CRACDL: variants seen among roughly 807,000 people sequenced by gnomAD.
The protein encoded by CRACDL is CRACD like.
CRACDL carries 26 observed loss-of-function variants against 70.6 expected under a neutral mutation model. The observed-to-expected ratio is 0.37, with a 90% CI of 0.27 to 0.51. The LOEUF is 0.51. Ranked by LOEUF, CRACDL falls within the 20% of genes least tolerant of loss-of-function variation. The pLI is 0.94. For missense variants in CRACDL, 1,283 were observed against 1,376.9 expected (o/e 0.93, Z 1.08); for synonymous variants, 618 against 615.2 (o/e 1.00, Z -0.07).
At position 98,822,254 on chromosome 2, in the gene CRACDL, C is replaced by G. The variant is rs774128489; in HGVS notation, c.2019G>C (p.Pro673=). ...AGGGGTTTCTGTCCTCACTCGGGGC[C>G]GGCTCCTGGGCGGCTGGGCAGGGCT... ...TREPCPAAQE[P]APSEDRNPFP... Residue 673 remains proline (P), a synonymous_variant, in exon 7 of 10, where the codon CCG becomes CCC. Coordinates refer to ENST00000397899, the MANE Select transcript of CRACDL (RefSeq NM_207362.3). The surrounding 1 kb of genome is among the most constrained non-coding windows in gnomAD (Gnocchi z 4.9). The G allele has an allele frequency of 1.9e-6, 3 of 1,596,282 alleles. No individual in the cohort carries two copies. In the South Asian group the frequency reaches 3.3e-5, roughly 18 times the overall value.
intron 2 of CRACDL, among the ~76,000 whole-genome samples, chr2:98,844,767 A>G (rs1240982261): frequency 6.6e-6 from 1 of 152,198 alleles, no homozygotes; most frequent in Non-Finnish European, 1.5e-5. Flanking sequence ...TACTGAAAAT[A>G]TATTTTCTGT....
intron 1 of CRACDL, among the ~76,000 whole-genome samples, chr2:98,921,456 T>C (rs1382008823): frequency 2.0e-5 from 3 of 152,246 alleles, no homozygotes; most frequent in Non-Finnish European, 2.9e-5. Flanking sequence ...GCTCTTGACA[T>C]GTATTATGGT....
intron 1 of CRACDL, among the ~76,000 whole-genome samples, chr2:98,868,791 C>T (rs1383282281): frequency 1.3e-5 from 2 of 152,196 alleles, no homozygotes; most frequent in African/African-American, 2.4e-5. Flanking sequence ...CTCTGCTCAC[C>T]CAGCCCTCCT....
At chr2:98,906,667 G>A (rs2104667339) in intron 1 of CRACDL, among the ~76,000 whole-genome samples, 1 of 152,258 alleles carries the variant, frequency 6.6e-6, no homozygotes, top group African/African-American at 2.4e-5. Flanking sequence ...TCCTATTTGT[G>A]CACTCACTAT....
intron 1 of CRACDL, among the ~76,000 whole-genome samples, chr2:98,923,270 C>CA (rs1188228876): frequency 0.012 from 869 of 75,326 alleles, 3 homozygotes; most frequent in Non-Finnish European, 0.014. Context: ...GACACTGTCT[C>CA]AAAAAAAAAA....
chr2:98,839,934 T>G (rs1705950027), intron 2 of CRACDL, among the ~76,000 whole-genome samples: 1 of 152,184 alleles, frequency 6.6e-6, no homozygotes, highest in Non-Finnish European at 1.5e-5. Flanking sequence ...CACCACAGGC[T>G]TATCAATTTT....
At chr2:98,848,886 G>T (rs1706368327) in intron 1 of CRACDL, among the ~76,000 whole-genome samples, 1 of 152,220 alleles carries the variant, frequency 6.6e-6, no homozygotes, top group African/African-American at 2.4e-5. Flanking sequence ...ACTGCACCCA[G>T]CAGAGAACAT....
intron 1 of CRACDL, among the ~76,000 whole-genome samples, chr2:98,888,082 T>C (rs1707844963): frequency 6.6e-6 from 1 of 152,182 alleles, no homozygotes; most frequent in Admixed American, 6.5e-5. Context: ...TTCACCTCAA[T>C]TTTTAAAAGA....
At chr2:98,797,769 G>A (rs1352658953) in intron 7 of CRACDL, among the ~76,000 whole-genome samples, 1 of 152,168 alleles carries the variant, frequency 6.6e-6, no homozygotes, top group Non-Finnish European at 1.5e-5. Flanking sequence ...TAGGGTCGGT[G>A]TGTACTTTAA....
In CRACDL at chr2:98,832,361, C is replaced by T; in HGVS notation, c.527G>A (p.Gly176Asp). ...GGCCGCACTTGCCTTTATGGTGGTA[C>T]CAGGACCCACGTCGTGCAGCAGAGA... ...EMSLLHDVGP[G>D]TTIKVSVVSP... The change falls in exon 5 of 10, where the codon GGT becomes GAT. Residue 176 changes from glycine to aspartate, a missense_variant. Gly to Asp is a moderately conservative substitution (Grantham distance 94, BLOSUM62 -1). Transcript: ENST00000397899. The T allele has an allele frequency of 1.2e-6, 2 of 1,614,182 alleles. No individual in the cohort carries two copies. The highest frequency in any genetic ancestry group is 1.7e-6 in the Non-Finnish European group (2 of 1,180,038).
intron 2 of CRACDL, among the ~76,000 whole-genome samples, chr2:98,840,968 T>C (rs1706002482): frequency 6.6e-6 from 1 of 152,164 alleles, no homozygotes; most frequent in Non-Finnish European, 1.5e-5. Flanking sequence ...CTGGAGCATT[T>C]CAGACTTTGG....
intron 1 of CRACDL, among the ~76,000 whole-genome samples, chr2:98,901,369 G>C (rs924953267): frequency 3.3e-5 from 5 of 152,176 alleles, no homozygotes; most frequent in African/African-American, 9.7e-5. Context: ...CAGTGCTTGG[G>C]AGAACCCTGA....
intron 9 of CRACDL, 72 bp from the exon 10 acceptor site, chr2:98,794,743 T>C (rs1275040617): frequency 2.9e-5 from 38 of 1,332,138 alleles, no homozygotes; most frequent in Admixed American, 5.5e-5. Flanking sequence ...GCCTCTTGTG[T>C]TTCTCGAACT....
chr2:98,881,651 C>G (rs886986623), intron 1 of CRACDL, among the ~76,000 whole-genome samples: 1 of 152,136 alleles, frequency 6.6e-6, no homozygotes, highest in East Asian at 1.9e-4. Flanking sequence ...TCAGCTGGGG[C>G]GCCATGTATA....
chr2:98,928,504 C>T (rs578099317), intron 1 of CRACDL, among the ~76,000 whole-genome samples: 9 of 152,100 alleles, frequency 5.9e-5, no homozygotes, highest in East Asian at 1.9e-4. Flanking sequence ...CAGACTTCTT[C>T]GTGCTAATTG....
chr2:98,851,819 A>G (rs1034096285), intron 1 of CRACDL, among the ~76,000 whole-genome samples: 9 of 152,256 alleles, frequency 5.9e-5, no homozygotes, highest in African/African-American at 2.2e-4. Flanking sequence ...TCCACTGATG[A>G]TAAGTATAAA....
chr2:98,832,751 C>CATGT (rs1705597049), intron 4 of CRACDL, 111 bp downstream of exon 4: 11 of 1,370,286 alleles, frequency 8.0e-6, no homozygotes, highest in Non-Finnish European at 1.1e-5. Flanking sequence ...CTGTCATGTA[C>CATGT]ATGTGATTCT....
At chr2:98,863,662 C>A (rs762815100) in intron 1 of CRACDL, among the ~76,000 whole-genome samples, 1 of 152,152 alleles carries the variant, frequency 6.6e-6, no homozygotes, top group African/African-American at 2.4e-5. Context: ...AAGTAATACC[C>A]AGTCAATAGA....
chr2:98,821,626 G>C (rs961395294), intron 7 of CRACDL, among the ~76,000 whole-genome samples: 8 of 152,234 alleles, frequency 5.3e-5, no homozygotes, highest in African/African-American at 1.7e-4. Context: ...AATGTTTTAA[G>C]AAAGTTTACG....
Sources: allele counts gnomAD v4.1 joint callset (sites outside exome capture counted in the v4.1 genomes callset), GRCh38; gene constraint gnomAD v4.1.1; non-coding constraint Gnocchi (gnomAD v3.1); transcripts MANE v1.5; gene names NCBI Gene and HGNC (gene_info 2026-07-23, HGNC 2026-07-21).